The following FAM135A variants were observed in gnomAD, a reference collection of about 807,000 sequenced individuals.
The protein encoded by FAM135A is protein FAM135A.
A neutral mutation model predicts 146.8 loss-of-function variants in FAM135A; 79 were observed. The observed-to-expected ratio is 0.54, with a 90% CI of 0.45 to 0.65. FAM135A has a LOEUF of 0.65. Among genes scored for constraint, FAM135A ranks in the 30% least tolerant of loss-of-function variants. The pLI is 0.00. For synonymous variants in FAM135A, 562 were observed against 603.6 expected (o/e 0.93, Z 1.01); for missense variants, 1,623 against 1,758.2 (o/e 0.92, Z 1.38).
chr6:70,434,009 G>A (rs1015517911), intron 4 of FAM135A, among the ~76,000 whole-genome samples: 3 of 151,910 alleles, frequency 2.0e-5, no homozygotes, highest in African/African-American at 7.3e-5. Flanking sequence ...CTCTGAAAAC[G>A]AAGTCAAAAT....
At chr6:70,505,512 A>G (rs1789567257) in intron 12 of FAM135A, among the ~76,000 whole-genome samples, 1 of 151,970 alleles carries the variant, frequency 6.6e-6, no homozygotes, top group Non-Finnish European at 1.5e-5. Flanking sequence ...GATTAAGATG[A>G]CACAGTATTG....
intron 5 of FAM135A, among the ~76,000 whole-genome samples, chr6:70,468,930 C>A (rs1489600232): frequency 6.6e-6 from 1 of 152,098 alleles, no homozygotes; most frequent in Admixed American, 6.6e-5. Flanking sequence ...ACCTAGTGGC[C>A]TGTAGTAGGG....
At chr6:70,514,079 T>C (rs1791661270) in intron 12 of FAM135A, among the ~76,000 whole-genome samples, 2 of 152,074 alleles carry the variant, frequency 1.3e-5, no homozygotes, top group African/African-American at 4.8e-5. Context: ...TTTGCTATTA[T>C]ATCTTCAGAT....
chr6:70,538,800 GTTATGTTATATTATA>G (rs1461532835), intron 20 of FAM135A, among the ~76,000 whole-genome samples: 3,957 of 123,992 alleles, frequency 0.032, 186 homozygotes, highest in African/African-American at 0.11. Flanking sequence ...TTCATATTAT[GTTATGTTATATTATA>G]TTATATTATA....
chr6:70,534,937 T>C (rs1194228469), intron 18 of FAM135A, among the ~76,000 whole-genome samples: 1 of 152,164 alleles, frequency 6.6e-6, no homozygotes, highest in East Asian at 1.9e-4. Context: ...AAGGTTCAGG[T>C]TTGTTGTTTG....
At chr6:70,493,302 G>GAT (rs2128223848) in intron 11 of FAM135A, among the ~76,000 whole-genome samples, 1 of 152,046 alleles carries the variant, frequency 6.6e-6, no homozygotes, top group East Asian at 1.9e-4. Context: ...TATTTGAAAG[G>GAT]ATATATATAT....
At chr6:70,548,621 GT>G (rs1799273087) in intron 20 of FAM135A, among the ~76,000 whole-genome samples, 6 of 152,168 alleles carry the variant, frequency 3.9e-5, no homozygotes, top group Admixed American at 3.9e-4. Flanking sequence ...CAGAATCTCT[GT>G]AAAGAGCTAT....
chr6:70,468,726 G>A (rs562717941), intron 5 of FAM135A, among the ~76,000 whole-genome samples: 2 of 152,290 alleles, frequency 1.3e-5, no homozygotes, highest in African/African-American at 4.8e-5. Flanking sequence ...TTCCTAGAGA[G>A]TAAGAATCTA....
intron 16 of FAM135A, among the ~76,000 whole-genome samples, chr6:70,531,884 ATTTCTT>A (rs1795858613): frequency 9.7e-6 from 1 of 102,690 alleles, no homozygotes. Context: ...TTTTAAACTG[ATTTCTT>A]TTTTTTTTTT....
At chr6:70,434,571 A>T (rs1482546666) in intron 4 of FAM135A, among the ~76,000 whole-genome samples, 2 of 152,234 alleles carry the variant, frequency 1.3e-5, no homozygotes, top group Admixed American at 1.3e-4. Context: ...GCAGATTGGT[A>T]ACAACCATTT....
At chr6:70,555,598 G>A (rs1229927125) in intron 20 of FAM135A, among the ~76,000 whole-genome samples, 2 of 152,090 alleles carry the variant, frequency 1.3e-5, no homozygotes, top group Non-Finnish European at 2.9e-5. Flanking sequence ...CTACACCATA[G>A]AGAGTCTTAG....
chr6:70,551,472 G>A (rs1358334070), intron 20 of FAM135A, among the ~76,000 whole-genome samples: 1 of 152,098 alleles, frequency 6.6e-6, no homozygotes, highest in Non-Finnish European at 1.5e-5. Context: ...AATACCCAAT[G>A]TGCTGTCGCA....
chr6:70,528,253 T>G (rs767202642), intron 15 of FAM135A, 39 bp from the exon 16 acceptor site: 7 of 1,557,844 alleles, frequency 4.5e-6, no homozygotes, highest in Middle Eastern at 3.6e-4. Flanking sequence ...CAACTGAATA[T>G]GATCCTTAGT....
At chr6:70,495,821 T>C (rs903753007) in intron 11 of FAM135A, among the ~76,000 whole-genome samples, 1 of 152,110 alleles carries the variant, frequency 6.6e-6, no homozygotes, top group Non-Finnish European at 1.5e-5. Context: ...TGGTGTGTGA[T>C]GTTCCCCGTC....
chr6:70,552,878 A>T (rs1457510340), intron 20 of FAM135A, among the ~76,000 whole-genome samples: 1 of 152,180 alleles, frequency 6.6e-6, no homozygotes, highest in African/African-American at 2.4e-5. Context: ...AGCCACTTAC[A>T]GAATTATTAA....
At chr6:70,470,100 T>C (rs1441644956) in intron 5 of FAM135A, among the ~76,000 whole-genome samples, 1 of 152,156 alleles carries the variant, frequency 6.6e-6, no homozygotes, top group Admixed American at 6.5e-5. Context: ...TCAAGTAAGA[T>C]GAGGTTTGAG....
chr6:70,447,930 C>T (rs1462820604), intron 4 of FAM135A, among the ~76,000 whole-genome samples: 1 of 152,152 alleles, frequency 6.6e-6, no homozygotes, highest in Non-Finnish European at 1.5e-5. Context: ...CAGATTACCT[C>T]CGATACCATC....
At chr6:70,433,922 A>G (rs1292887795) in intron 4 of FAM135A, among the ~76,000 whole-genome samples, 5 of 152,178 alleles carry the variant, frequency 3.3e-5, no homozygotes, top group Admixed American at 3.3e-4. Context: ...CTCAGATACT[A>G]ACAATCTAAA....
At chr6:70,492,248 CTAAG>C (rs1260068867) in intron 11 of FAM135A, among the ~76,000 whole-genome samples, 1 of 151,530 alleles carries the variant, frequency 6.6e-6, no homozygotes, top group Non-Finnish European at 1.5e-5. Flanking sequence ...TGTTTAATAA[CTAAG>C]TATATGATAA....
Sources: gnomAD v4.1 joint callset for allele counts (sites outside exome capture counted in the v4.1 genomes callset) on GRCh38, gnomAD v4.1.1 for gene constraint, MANE v1.5 for transcripts, NCBI Gene and HGNC (gene_info 2026-07-23, HGNC 2026-07-21) for gene names.